CPA6: variants seen among roughly 807,000 people sequenced by gnomAD.
The protein encoded by CPA6 is carboxypeptidase A6.
A neutral mutation model predicts 63.3 loss-of-function variants in CPA6; 58 were observed. That is an observed-to-expected ratio of 0.92 (90% CI 0.74 to 1.14). The LOEUF is 1.14. Among genes scored for constraint, CPA6 ranks in the 50% most tolerant of loss-of-function variants. The pLI, the probability that CPA6 is intolerant of heterozygous loss-of-function variation, is 0.00. For missense variants in CPA6, 565 were observed against 526.6 expected (o/e 1.07, Z -0.71); for synonymous variants, 185 against 179.0 (o/e 1.03, Z -0.27).
intron 1 of CPA6, among the ~76,000 whole-genome samples, chr8:67,701,471 C>T (rs929785257): frequency 2.6e-5 from 4 of 152,194 alleles, no homozygotes; most frequent in Middle Eastern, 3.4e-3. Flanking sequence ...ACTGTGGAAC[C>T]GAGTGACAGA....
chr8:67,507,151 T>A (rs949697461), intron 5 of CPA6, among the ~76,000 whole-genome samples: 1 of 152,018 alleles, frequency 6.6e-6, no homozygotes, highest in Non-Finnish European at 1.5e-5. Context: ...TCTTTATTTT[T>A]AAAATTTTTT....
intron 8 of CPA6, among the ~76,000 whole-genome samples, chr8:67,460,731 T>A (rs764713793): frequency 7.9e-5 from 12 of 152,216 alleles, no homozygotes; most frequent in Non-Finnish European, 1.3e-4. Context: ...ATATATCACA[T>A]TAAAGAAATT....
At chr8:67,436,188 C>T (rs1333472845) in intron 8 of CPA6, among the ~76,000 whole-genome samples, 3 of 152,128 alleles carry the variant, frequency 2.0e-5, no homozygotes, top group Admixed American at 6.5e-5. Flanking sequence ...CCCCACCTGC[C>T]CAGGCCTTTG....
intron 1 of CPA6, among the ~76,000 whole-genome samples, chr8:67,673,353 T>TTTATTA (rs71253021): frequency 0.17 from 23,794 of 139,976 alleles, 2,250 homozygotes; most frequent in South Asian, 0.27. Flanking sequence ...TCTCTTTCAA[T>TTTATTA]TTATTATTAT....
chr8:67,669,762 G>A (rs1816303385), intron 1 of CPA6, among the ~76,000 whole-genome samples: 1 of 149,442 alleles, frequency 6.7e-6, no homozygotes, highest in Non-Finnish European at 1.5e-5. Context: ...ATGTAACTAA[G>A]AGCAAAAGGA....
intron 1 of CPA6, among the ~76,000 whole-genome samples, chr8:67,663,476 A>G (rs535011657): frequency 3.5e-4 from 53 of 152,260 alleles, no homozygotes; most frequent in African/African-American, 1.2e-3. Context: ...TCACCTAGGT[A>G]TTAAGCCCAA....
Position 67,667,631 on chromosome 8 carries a change from G to T in CPA6, c.117-43380C>A, listed in dbSNP as rs76462141. 2.7e-3 allele frequency among the ~76,000 whole-genome samples: 409 copies of T among 152,288 alleles called. 5 individuals are homozygous for T. The South Asian group carries it at 0.047, about 17-fold the overall frequency. On this transcript the variant is annotated intron_variant, in intron 1 of 10. Transcript: ENST00000297770. ...CAAGGTTAGGTGACATCTGAGGGGG[G>T]ACCTCAGAGTTAGGAGTGAAACTGA...
At chr8:67,580,233 C>A (rs1184046678) in intron 2 of CPA6, among the ~76,000 whole-genome samples, 1 of 152,220 alleles carries the variant, frequency 6.6e-6, no homozygotes, top group Non-Finnish European at 1.5e-5. Flanking sequence ...CAGTTTAGAG[C>A]CTACTGGCAG....
intron 2 of CPA6, among the ~76,000 whole-genome samples, chr8:67,577,978 A>G (rs1429079358): frequency 6.6e-6 from 1 of 152,266 alleles, no homozygotes; most frequent in Non-Finnish European, 1.5e-5. Context: ...TCTATAAAGA[A>G]CCAAACATAG....
intron 1 of CPA6, among the ~76,000 whole-genome samples, chr8:67,632,304 G>A (rs564607084): frequency 6.6e-6 from 1 of 151,954 alleles, no homozygotes; most frequent in East Asian, 1.9e-4. Context: ...CCAAGTAGCT[G>A]GGACTGCAGG....
intron 8 of CPA6, among the ~76,000 whole-genome samples, chr8:67,439,947 T>C (rs1810252219): frequency 6.6e-6 from 1 of 152,064 alleles, no homozygotes; most frequent in South Asian, 2.1e-4. Context: ...TATAGAAAAA[T>C]AAAGAAGATC....
chr8:67,660,914 A>G (rs1172591528), intron 1 of CPA6, among the ~76,000 whole-genome samples: 1 of 152,170 alleles, frequency 6.6e-6, no homozygotes, highest in Non-Finnish European at 1.5e-5. Context: ...GAATTCTGGG[A>G]TTACTGTTGA....
At chr8:67,526,445 CCTGTCTAAT>C (rs1377485280) in intron 2 of CPA6, among the ~76,000 whole-genome samples, 1 of 151,994 alleles carries the variant, frequency 6.6e-6, no homozygotes, top group Non-Finnish European at 1.5e-5. Flanking sequence ...ATAGGGTGGA[CCTGTCTAAT>C]CTTGGTGTTC....
At position 67,552,844 on chromosome 8, in the gene CPA6, T is replaced by C. The variant is rs150421898; in HGVS notation, c.193-34797A>G. Among the ~76,000 whole-genome samples, 143 of 150,716 alleles carry C rather than the reference T, an allele frequency of 9.5e-4. 1 individual carries two copies. Among genetic ancestry groups the C allele is most frequent in the African/African-American group, 3.4e-3 (139 of 41,218 alleles). ...AGAAGGGCCTCTTTCTTAATTACAT[T>C]GTAACAAAAAGAATAAAGGAAATCA... On this transcript the variant is annotated intron_variant, in intron 2 of 10. Transcript: ENST00000297770.
chr8:67,632,264 G>C (rs1274730454), intron 1 of CPA6, among the ~76,000 whole-genome samples: 2 of 151,964 alleles, frequency 1.3e-5, no homozygotes, highest in Non-Finnish European at 2.9e-5. Flanking sequence ...TCGAACTTGT[G>C]AGCTCAAGTG....
At chr8:67,487,092 A>T (rs1811495140) in intron 6 of CPA6, among the ~76,000 whole-genome samples, 1 of 152,132 alleles carries the variant, frequency 6.6e-6, no homozygotes, top group Admixed American at 6.5e-5. Flanking sequence ...TCTAGGGTAC[A>T]TGGGCACAAC....
chr8:67,436,870 C>G (rs1209282390), intron 8 of CPA6, among the ~76,000 whole-genome samples: 1 of 152,116 alleles, frequency 6.6e-6, no homozygotes. Flanking sequence ...TCTCCATAAA[C>G]TAGTAGAAAA....
At chr8:67,451,917 T>C (rs1359496439) in intron 8 of CPA6, among the ~76,000 whole-genome samples, 3 of 152,236 alleles carry the variant, frequency 2.0e-5, no homozygotes, top group Non-Finnish European at 4.4e-5. Context: ...GAAAATGAGA[T>C]ACTTAAACAA....
intron 8 of CPA6, among the ~76,000 whole-genome samples, chr8:67,437,052 G>A (rs1196041658): frequency 6.6e-6 from 1 of 152,160 alleles, no homozygotes; most frequent in African/African-American, 2.4e-5. Context: ...TCATCCTGGA[G>A]ATGCCTCAGA....
Sources: gnomAD v4.1 joint callset for allele counts (sites outside exome capture counted in the v4.1 genomes callset) on GRCh38, gnomAD v4.1.1 for gene constraint, MANE v1.5 for transcripts, NCBI Gene and HGNC (gene_info 2026-07-23, HGNC 2026-07-21) for gene names.